The following SLC5A12 variants were observed in gnomAD, a reference collection of about 807,000 sequenced individuals.
SLC5A12 encodes sodium-coupled monocarboxylate transporter 2.
SLC5A12 carries 46 observed loss-of-function variants against 72.7 expected under a neutral mutation model. The observed-to-expected ratio is 0.63, with a 90% confidence interval of 0.50 to 0.81. The LOEUF (loss-of-function observed/expected upper bound fraction) is 0.81, where lower values mean the gene tolerates loss of function less well. Ranked by LOEUF, SLC5A12 falls within the 30% of genes least tolerant of loss-of-function variation. The pLI is 0.00. For missense variants in SLC5A12, 683 were observed against 740.7 expected (o/e 0.92, Z 0.90); for synonymous variants, 275 against 264.4 (o/e 1.04, Z -0.39).
At chr11:26,706,272 T>TA (rs66524790) in intron 4 of SLC5A12, among the ~76,000 whole-genome samples, 150,507 of 152,080 alleles carry the variant, frequency 0.99, 74,504 homozygotes, top group Middle Eastern at 1. Context: ...GAAAGATTTT[T>TA]ACACCAGGCT....
At chr11:26,711,387 A>C in intron 2 of SLC5A12, 29 bp from the exon 3 acceptor site, 1 of 1,587,314 alleles carries the variant, frequency 6.3e-7, no homozygotes, top group Non-Finnish European at 8.6e-7. Flanking sequence ...TCAGATTGGC[A>C]GTGAGAAAGG....
At chr11:26,717,654 C>T (rs558839808) in intron 1 of SLC5A12, among the ~76,000 whole-genome samples, 20 of 152,210 alleles carry the variant, frequency 1.3e-4, no homozygotes, top group Admixed American at 7.9e-4. Context: ...ATATAACACT[C>T]GCCTCCAAAC....
chr11:26,678,660 C>T, intron 13 of SLC5A12, 52 bp downstream of exon 13: 3 of 1,296,528 alleles, frequency 2.3e-6, no homozygotes, highest in Non-Finnish European at 3.3e-6. Flanking sequence ...TCCACCAATG[C>T]ATGCATGAGC....
intron 12 of SLC5A12, among the ~76,000 whole-genome samples, chr11:26,679,104 T>A (rs4293085): frequency 0.85 from 129,948 of 152,086 alleles, 55,914 homozygotes; most frequent in Non-Finnish European, 0.91. Context: ...TTCTTCAGAC[T>A]TTTATTAAGC....
rs1855008136 is a variant in SLC5A12 at position 26,703,444 on chromosome 11, A to ACACT, written c.821+86_821+87insAGTG. The ACACT allele has an allele frequency of 7.3e-6, 10 of 1,365,136 alleles. No individual in the cohort carries two copies. In the South Asian group the frequency reaches 1.3e-4, roughly 18 times the overall value. 84.6% of individuals were successfully genotyped at this position (1,365,136 alleles called of 1,614,324 possible). On this transcript the variant is annotated intron_variant, in intron 6 of 14. Transcript: ENST00000396005. ...CATACATACACACACACACACACAC[A>ACACT]CACCCCCCAAGAGGAAGTATTAATA...
At chr11:26,675,624 T>A (rs951236828) in intron 13 of SLC5A12, among the ~76,000 whole-genome samples, 1 of 152,176 alleles carries the variant, frequency 6.6e-6, no homozygotes, top group East Asian at 1.9e-4. Context: ...TTCATGCTTA[T>A]AGAGGAAATG....
rs538497633 is a variant in SLC5A12, at chr11:26,721,630, C to T, written c.85G>A (p.Ala29Thr). 6.2e-7 allele frequency: 1 copy of T among 1,614,024 alleles called. No homozygotes were observed. Among genetic ancestry groups the T allele is most frequent in the Non-Finnish European group, 8.5e-7 (1 of 1,180,034 alleles). Residue 29 changes from alanine to threonine, a missense_variant, in exon 1 of 15, where the codon GCC becomes ACC. By Grantham distance (58) the Ala-to-Thr change is moderately conservative. Transcript: ENST00000396005. ...GTTGCCTTTTTTCTCTCCTTAATGG[C>T]AAAGAACACCCCAATTCCAGAGGAA... ...FISSGIGVFFAIKERKKATSR... is the reference protein window; with the variant it reads ...FISSGIGVFFTIKERKKATSR...
intron 1 of SLC5A12, among the ~76,000 whole-genome samples, chr11:26,718,653 T>C (rs1480392906): frequency 1.2e-5 from 1 of 83,454 alleles, no homozygotes; most frequent in Non-Finnish European, 2.7e-5. Context: ...TGTGTGTGTG[T>C]GTGTGTGTGT....
chr11:26,722,722 T>A (rs538675714), upstream of SLC5A12, among the ~76,000 whole-genome samples: 16 of 152,220 alleles, frequency 1.1e-4, no homozygotes, highest in South Asian at 1.9e-3. Flanking sequence ...AAGGTAACAA[T>A]CCAGTTATAA....
chr11:26,721,904 T>C lies in SLC5A12; in HGVS notation c.-190A>G, dbSNP rs7106869. Reference sequence around the variant, plus strand: ...GTGTACTTAGTGAAGATCTCAAAAGTTGACTTCAAAGAAGAATCTGGTGGT... The same window carrying C: ...GTGTACTTAGTGAAGATCTCAAAAGCTGACTTCAAAGAAGAATCTGGTGGT... On this transcript the variant is annotated 5_prime_UTR_variant, in exon 1 of 15. Coordinates refer to ENST00000396005, the MANE Select transcript of SLC5A12 (RefSeq NM_178498.4). 0.017 allele frequency: 9,890 copies of C among 584,842 alleles called. 314 individuals are homozygous for C. The highest frequency in any genetic ancestry group is 0.093 in the African/African-American group (4,997 of 53,820). 36.2% of individuals were successfully genotyped at this position (584,842 alleles called of 1,614,324 possible). A position where few individuals can be genotyped will look rare whatever the true frequency, so the allele number is the denominator to read the frequency against.
chr11:26,681,308 G>T, intron 11 of SLC5A12, 87 bp from the exon 12 acceptor site: 2 of 1,148,910 alleles, frequency 1.7e-6, no homozygotes, highest in Non-Finnish European at 2.3e-6. Flanking sequence ...ATGCCTTAGA[G>T]ATTCTGGCTT....
At chr11:26,690,820 T>A (rs1854653328) in intron 9 of SLC5A12, among the ~76,000 whole-genome samples, 1 of 151,010 alleles carries the variant, frequency 6.6e-6, no homozygotes, top group African/African-American at 2.4e-5. Context: ...TAGTTTATTA[T>A]CTTAAATTAT....
intron 8 of SLC5A12, among the ~76,000 whole-genome samples, chr11:26,694,494 G>A (rs1854761591): frequency 6.6e-6 from 1 of 152,134 alleles, no homozygotes; most frequent in Non-Finnish European, 1.5e-5. Flanking sequence ...TGGTGTTTGA[G>A]TCTCTGGTGC....
chr11:26,688,931 A>G (rs894655708), intron 9 of SLC5A12, among the ~76,000 whole-genome samples: 24 of 152,288 alleles, frequency 1.6e-4, no homozygotes, highest in African/African-American at 5.3e-4. Context: ...AATGACCTCA[A>G]ACAAGAACAG....
chr11:26,722,917 C>A (rs974722761), upstream of SLC5A12, among the ~76,000 whole-genome samples: 7 of 150,770 alleles, frequency 4.6e-5, no homozygotes, highest in African/African-American at 1.7e-4. Flanking sequence ...TTCTGCCTCT[C>A]CACGTCAACT....
At chr11:26,690,416 T>C (rs1269580154) in intron 9 of SLC5A12, among the ~76,000 whole-genome samples, 1 of 151,874 alleles carries the variant, frequency 6.6e-6, no homozygotes, top group Non-Finnish European at 1.5e-5. Flanking sequence ...AACATTCTTA[T>C]ACATGAGAAA....
chr11:26,675,363 A>G (rs1419008964), intron 13 of SLC5A12, among the ~76,000 whole-genome samples: 2 of 152,224 alleles, frequency 1.3e-5, no homozygotes, highest in Non-Finnish European at 2.9e-5. Context: ...CAGGTAGGAA[A>G]GTTAAAAATG....
intron 9 of SLC5A12, 98 bp downstream of exon 9, chr11:26,692,391 T>C: frequency 1.3e-6 from 1 of 780,088 alleles, no homozygotes. Context: ...AGTGCATTTG[T>C]GTTTATAAGT....
chr11:26,698,484 G>T lies in SLC5A12; in HGVS notation c.873C>A (p.Val291=). ...GAGAGTACATGATTAAGCCAGAGAA[G>T]ACAGCACACACCAGAATGATCCAGA... is the stretch of plus-strand genomic sequence containing the variant. The part of the protein sequence containing the change: ...LGLWIILVCA[V]FSGLIMYSHF... The change falls in exon 7 of 15, where the codon GTC becomes GTA. Residue 291 remains valine, a synonymous_variant. Coordinates refer to ENST00000396005, the MANE Select transcript of SLC5A12 (RefSeq NM_178498.4). The T allele has an allele frequency of 6.2e-7, 1 of 1,613,954 alleles. No homozygotes were observed. The highest frequency in any genetic ancestry group is 8.5e-7 in the Non-Finnish European group (1 of 1,179,946).
Sources: allele counts gnomAD v4.1 joint callset (sites outside exome capture counted in the v4.1 genomes callset), GRCh38; gene constraint gnomAD v4.1.1; transcripts MANE v1.5; gene names NCBI Gene and HGNC (gene_info 2026-07-23, HGNC 2026-07-21).